Variants in SLC14A2 observed in about 807,000 individuals in gnomAD.
SLC14A2 encodes solute carrier family 14 member 2, also known as urea transporter 2.
Under a neutral mutation model 104.6 loss-of-function variants are expected in SLC14A2, and 91 were observed. The ratio of observed to expected loss-of-function variants is 0.87; its 90% confidence interval spans 0.73 to 1.04. The LOEUF is 1.04. Ranked by LOEUF, SLC14A2 falls within the 50% of genes least tolerant of loss-of-function variation. The pLI, the probability that SLC14A2 is intolerant of heterozygous loss-of-function variation, is 0.00. For missense variants in SLC14A2, 1,189 were observed against 1,156.0 expected (o/e 1.03, Z -0.41); for synonymous variants, 476 against 466.4 (o/e 1.02, Z -0.27).
intron 1 of SLC14A2, among the ~76,000 whole-genome samples, chr18:45,349,041 C>T (rs908662972): frequency 2.0e-5 from 3 of 152,208 alleles, no homozygotes; most frequent in African/African-American, 7.2e-5. Context: ...AAGTGTTGGA[C>T]GTGCAGTACA....
At chr18:45,420,560 A>C (rs1268691778) in intron 1 of SLC14A2, among the ~76,000 whole-genome samples, 1 of 152,112 alleles carries the variant, frequency 6.6e-6, no homozygotes, top group African/African-American at 2.4e-5. Context: ...TCTGCCCCCA[A>C]ACTGGAAAAT....
chr18:45,463,308 C>A (rs1411324575), intron 1 of SLC14A2, among the ~76,000 whole-genome samples: 2 of 152,154 alleles, frequency 1.3e-5, no homozygotes, highest in South Asian at 4.1e-4. Context: ...GAACACGACA[C>A]CCAGCAGCTT....
chr18:45,481,307 G>A (rs2144697646), intron 1 of SLC14A2, among the ~76,000 whole-genome samples: 1 of 152,152 alleles, frequency 6.6e-6, no homozygotes, highest in African/African-American at 2.4e-5. Flanking sequence ...TTCAGGTCTT[G>A]TGTCTGGTCA....
At chr18:45,643,309 T>G in intron 9 of SLC14A2, 128 bp downstream of exon 9, 6 of 796,806 alleles carry the variant, frequency 7.5e-6, no homozygotes, top group Non-Finnish European at 6.5e-6. Context: ...ACGACATCTC[T>G]GTTAAGGTTT....
intron 4 of SLC14A2, among the ~76,000 whole-genome samples, chr18:45,627,589 G>A (rs891686358): frequency 2.6e-5 from 4 of 152,180 alleles, no homozygotes; most frequent in African/African-American, 4.8e-5. Context: ...GAGAGAAGGC[G>A]AGGAGAGAGA....
At chr18:45,523,816 G>T (rs2043552592) in intron 2 of SLC14A2, among the ~76,000 whole-genome samples, 1 of 152,182 alleles carries the variant, frequency 6.6e-6, no homozygotes, top group African/African-American at 2.4e-5. Flanking sequence ...AGGTCGTCCA[G>T]ATCTCTGGCC....
Position 45,639,733 on chromosome 18 carries a change from G to C in SLC14A2, c.844-13G>C. On this transcript the variant is annotated splice_polypyrimidine_tract_variant and intron_variant, in intron 6 of 19. Transcript: ENST00000255226. ...TCCATGCTCCAGTGACCTGTATTCT[G>C]TTAACTTTGCAGCTGTTACAAGCCA... The C allele has an allele frequency of 6.2e-7, 1 of 1,613,122 alleles. No homozygotes were observed. Among genetic ancestry groups the C allele is most frequent in the Non-Finnish European group, 8.5e-7 (1 of 1,179,754 alleles).
intron 1 of SLC14A2, among the ~76,000 whole-genome samples, chr18:45,409,148 T>A (rs1271173038): frequency 6.6e-6 from 1 of 152,200 alleles, no homozygotes; most frequent in Non-Finnish European, 1.5e-5. Context: ...TCTACTCTGC[T>A]GCTAGAATTG....
chr18:45,519,059 T>C (rs1351016493), intron 2 of SLC14A2, among the ~76,000 whole-genome samples: 1 of 152,184 alleles, frequency 6.6e-6, no homozygotes. Flanking sequence ...AAAATAGCAG[T>C]GTGCTAGAGT....
At chr18:45,407,528 G>C (rs1056318788) in intron 1 of SLC14A2, among the ~76,000 whole-genome samples, 1 of 152,166 alleles carries the variant, frequency 6.6e-6, no homozygotes, top group African/African-American at 2.4e-5. Flanking sequence ...TGTCCTTCAA[G>C]AACTTTTCCT....
intron 1 of SLC14A2, among the ~76,000 whole-genome samples, chr18:45,337,951 A>G (rs2085352371): frequency 6.6e-6 from 1 of 152,172 alleles, no homozygotes; most frequent in South Asian, 2.1e-4. Flanking sequence ...TTAAGGTCCC[A>G]AAACAGACAT....
upstream of SLC14A2, among the ~76,000 whole-genome samples, chr18:45,212,563 T>C (rs1366461779): frequency 6.6e-6 from 1 of 152,200 alleles, no homozygotes; most frequent in Non-Finnish European, 1.5e-5. Flanking sequence ...GTGATCCTTA[T>C]TTATTGTAAT....
intron 1 of SLC14A2, among the ~76,000 whole-genome samples, chr18:45,247,243 CG>C (rs1252526695): frequency 1.3e-5 from 2 of 152,180 alleles, no homozygotes; most frequent in Admixed American, 1.3e-4. Context: ...CCAAACTCCC[CG>C]GTACAGTCAA....
chr18:45,677,592 G>A (rs1411989197), intron 18 of SLC14A2, among the ~76,000 whole-genome samples: 1 of 152,188 alleles, frequency 6.6e-6, no homozygotes, highest in African/African-American at 2.4e-5. Flanking sequence ...TGAAAATGAT[G>A]AGAATAATGC....
chr18:45,495,179 G>A (rs1362291858), intron 2 of SLC14A2, among the ~76,000 whole-genome samples: 3 of 152,034 alleles, frequency 2.0e-5, no homozygotes, highest in African/African-American at 4.8e-5. Flanking sequence ...TTTGGATGCA[G>A]GAGGAGAAGA....
At chr18:45,387,885 G>T (rs2085915447) in intron 1 of SLC14A2, among the ~76,000 whole-genome samples, 1 of 152,072 alleles carries the variant, frequency 6.6e-6, no homozygotes, top group Non-Finnish European at 1.5e-5. Flanking sequence ...TATAGGCTTT[G>T]TCCATAGGGC....
intron 1 of SLC14A2, among the ~76,000 whole-genome samples, chr18:45,290,871 C>T (rs1203314782): frequency 2.0e-5 from 3 of 152,120 alleles, no homozygotes; most frequent in African/African-American, 4.8e-5. Flanking sequence ...CTGCCTGAGA[C>T]GAAGCTGTAC....
At chr18:45,476,986 A>G (rs1479588822) in intron 1 of SLC14A2, among the ~76,000 whole-genome samples, 7 of 152,190 alleles carry the variant, frequency 4.6e-5, no homozygotes, top group East Asian at 1.9e-4. Context: ...ACTTCTGTCA[A>G]TTCATCAAAC....
chr18:45,643,029 G>T, intron 8 of SLC14A2, 103 bp from the exon 9 acceptor site: 1 of 954,322 alleles, frequency 1.0e-6, no homozygotes. Flanking sequence ...CAGGAGAGAG[G>T]GTGGGGCTCC....
Sources: gnomAD v4.1 joint callset for allele counts (sites outside exome capture counted in the v4.1 genomes callset) on GRCh38, gnomAD v4.1.1 for gene constraint, MANE v1.5 for transcripts, NCBI Gene and HGNC (gene_info 2026-07-23, HGNC 2026-07-21) for gene names.